LRMDA: variants seen among roughly 807,000 people sequenced by gnomAD.
LRMDA encodes leucine-rich melanocyte differentiation-associated protein.
A neutral mutation model predicts 29.8 loss-of-function variants in LRMDA; 18 were observed. The observed-to-expected ratio is 0.60, with a 90% CI of 0.42 to 0.90. The LOEUF is 0.90. Ranked by LOEUF, LRMDA falls within the 40% of genes least tolerant of loss-of-function variation. The probability of loss-of-function intolerance (pLI) is 0.00; values close to 1 mark genes in which losing one functional copy is unlikely to be tolerated. For missense variants in LRMDA, 273 were observed against 273.9 expected (o/e 1.00, Z 0.02); for synonymous variants, 125 against 109.4 (o/e 1.14, Z -0.89).
chr10:76,467,876 G>A lies in LRMDA; in HGVS notation c.602-89333G>A, dbSNP rs541737094. 2.6e-5 allele frequency among the ~76,000 whole-genome samples: 4 copies of A among 152,298 alleles called. No homozygotes were observed. The East Asian group carries it at 7.7e-4, about 29-fold the overall frequency. ...ACTGGCTCCCTGAGGACAATTCTGAGAAAGTTACTATCCCTTGTACTGGTT... is the reference window on the plus strand; with the variant it reads ...ACTGGCTCCCTGAGGACAATTCTGAAAAAGTTACTATCCCTTGTACTGGTT... On this transcript the variant is annotated intron_variant, in intron 6 of 6. Transcript: ENST00000611255.
At chr10:75,444,634 T>A (rs1268122120) in intron 2 of LRMDA, among the ~76,000 whole-genome samples, 1 of 152,200 alleles carries the variant, frequency 6.6e-6, no homozygotes, top group Non-Finnish European at 1.5e-5. Context: ...ATTGAATGCA[T>A]TAGTGAATGT....
chr10:75,996,894 G>A (rs1033591986), intron 2 of LRMDA, among the ~76,000 whole-genome samples: 6 of 151,824 alleles, frequency 4.0e-5, no homozygotes, highest in East Asian at 1.9e-4. Flanking sequence ...CACCATGCCC[G>A]GCTAATTTTT....
At chr10:75,650,048 A>G (rs1841577374) in intron 2 of LRMDA, among the ~76,000 whole-genome samples, 2 of 152,150 alleles carry the variant, frequency 1.3e-5, no homozygotes, top group Non-Finnish European at 2.9e-5. Context: ...ATTTGCAAAT[A>G]TATTTTCTCA....
chr10:75,578,232 A>AAAAAAAAG (rs1840535440), intron 2 of LRMDA, among the ~76,000 whole-genome samples: 1 of 146,380 alleles, frequency 6.8e-6, no homozygotes, highest in Non-Finnish European at 1.5e-5. Flanking sequence ...AAAAAAAAAA[A>AAAAAAAAG]AAAAAAAGCA....
intron 6 of LRMDA, among the ~76,000 whole-genome samples, chr10:76,382,996 T>A (rs1272492039): frequency 6.6e-6 from 1 of 152,240 alleles, no homozygotes; most frequent in Admixed American, 6.5e-5. Context: ...ATTACTGTTT[T>A]TAGTGGGTTT....
intron 2 of LRMDA, among the ~76,000 whole-genome samples, chr10:75,961,260 G>T (rs1846761389): frequency 6.6e-6 from 1 of 152,204 alleles, no homozygotes; most frequent in Middle Eastern, 3.4e-3. Context: ...TACATATAGG[G>T]TATTTTATAT....
At chr10:75,917,592 T>A (rs1564606312) in intron 2 of LRMDA, among the ~76,000 whole-genome samples, 1 of 152,118 alleles carries the variant, frequency 6.6e-6, no homozygotes, top group Non-Finnish European at 1.5e-5. Context: ...TATCAACGAA[T>A]GGATTATTTT....
intron 2 of LRMDA, among the ~76,000 whole-genome samples, chr10:75,576,833 A>G (rs1840511933): frequency 6.6e-6 from 1 of 152,118 alleles, no homozygotes; most frequent in Admixed American, 6.5e-5. Flanking sequence ...AGAAAGGAAT[A>G]GTATCAACAT....
chr10:75,901,043 A>G (rs1336411553), intron 2 of LRMDA, among the ~76,000 whole-genome samples: 4 of 152,308 alleles, frequency 2.6e-5, no homozygotes, highest in African/African-American at 9.6e-5. Flanking sequence ...ATCCATCAAC[A>G]ACAGACAATT....
At chr10:75,777,886 A>G (rs541146953) in intron 2 of LRMDA, among the ~76,000 whole-genome samples, 10 of 152,328 alleles carry the variant, frequency 6.6e-5, no homozygotes, top group African/African-American at 2.4e-4. Context: ...CAGATAGTGA[A>G]TAGTTATATA....
chr10:76,370,396 T>C (rs889242174), intron 6 of LRMDA, among the ~76,000 whole-genome samples: 2 of 152,172 alleles, frequency 1.3e-5, no homozygotes, highest in African/African-American at 2.4e-5. Context: ...CTACAAACCT[T>C]ACCTAACAGC....
At chr10:76,121,367 G>A (rs1041693164) in intron 5 of LRMDA, among the ~76,000 whole-genome samples, 11 of 152,210 alleles carry the variant, frequency 7.2e-5, no homozygotes, top group Non-Finnish European at 1.5e-4. Flanking sequence ...CTGTGGGCTT[G>A]AGGCACCATT....
intron 2 of LRMDA, among the ~76,000 whole-genome samples, chr10:75,931,605 G>A (rs981235426): frequency 6.6e-6 from 1 of 152,154 alleles, no homozygotes; most frequent in African/African-American, 2.4e-5. Context: ...GAAGGAAAAT[G>A]CAAAACCAGA....
At chr10:76,033,844 C>T (rs77246467) in intron 2 of LRMDA, among the ~76,000 whole-genome samples, 318 of 152,144 alleles carry the variant, frequency 2.1e-3, no homozygotes, top group Non-Finnish European at 4.0e-3. Flanking sequence ...CAGAAGAGCC[C>T]GAAAGTCCCC....
intron 2 of LRMDA, among the ~76,000 whole-genome samples, chr10:75,902,815 C>T (rs186134904): frequency 5.9e-4 from 90 of 152,250 alleles, no homozygotes; most frequent in African/African-American, 1.9e-3. Flanking sequence ...GGAGGGCCAA[C>T]CCAGGGCTTA....
intron 2 of LRMDA, among the ~76,000 whole-genome samples, chr10:75,823,390 A>G (rs1447222254): frequency 6.6e-6 from 1 of 152,196 alleles, no homozygotes; most frequent in African/African-American, 2.4e-5. Context: ...AGAAATGCAA[A>G]TTAAAAACAC....
At chr10:76,034,025 TC>T (rs1848197093) in intron 2 of LRMDA, among the ~76,000 whole-genome samples, 3 of 152,046 alleles carry the variant, frequency 2.0e-5, no homozygotes. Flanking sequence ...TAGCCGTCCT[TC>T]ACTTATTCTC....
At chr10:75,802,463 G>A (rs1366990786) in intron 2 of LRMDA, among the ~76,000 whole-genome samples, 1 of 152,162 alleles carries the variant, frequency 6.6e-6, no homozygotes, top group African/African-American at 2.4e-5. Flanking sequence ...ACCTAGCTGT[G>A]TAAGTCATTA....
At chr10:75,842,429 G>C (rs939183126) in intron 2 of LRMDA, among the ~76,000 whole-genome samples, 1 of 151,962 alleles carries the variant, frequency 6.6e-6, no homozygotes, top group African/African-American at 2.4e-5. Context: ...TTACTCTCTG[G>C]TCCTTTACAG....
Sources: gnomAD v4.1 joint callset for allele counts (sites outside exome capture counted in the v4.1 genomes callset) on GRCh38, gnomAD v4.1.1 for gene constraint, MANE v1.5 for transcripts, NCBI Gene and HGNC (gene_info 2026-07-23, HGNC 2026-07-21) for gene names.